The following CHAF1A variants were observed in gnomAD, a reference collection of about 807,000 sequenced individuals.
CHAF1A encodes the protein CAF-1 subunit A.
Under a neutral mutation model 93.2 loss-of-function variants are expected in CHAF1A, and 5 were observed. The observed-to-expected ratio is 0.05, with a 90% CI of 0.03 to 0.11. CHAF1A has a LOEUF of 0.11. Ranked by LOEUF, CHAF1A falls within the 10% of genes least tolerant of loss-of-function variation. CHAF1A has a pLI of 1.00. For synonymous variants in CHAF1A, 504 were observed against 510.3 expected, an observed-to-expected ratio of 0.99 and a Z score of 0.17; for missense variants, 1,102 against 1,259.9, an observed-to-expected ratio of 0.87 and a Z score of 1.90.
At chr19:4,424,995 A>G (rs1402669568) in intron 7 of CHAF1A, among the ~76,000 whole-genome samples, 1 of 152,036 alleles carries the variant, frequency 6.6e-6, no homozygotes, top group Non-Finnish European at 1.5e-5. Context: ...GCTGGTCTCG[A>G]CGACCTGGCT....
At position 4,423,835 on chromosome 19, in the gene CHAF1A, G is replaced by C. The variant is rs747868301; in HGVS notation, c.1338G>C (p.Thr446=). ...TTAAAGCAGAGAAGGCCGAAATCAC[G>C]AGGTTCTTCCAGAAACCAAAGACTC... ...KRIKAEKAEI[T]RFFQKPKTPQ... The change falls in exon 7 of 15, where the codon ACG becomes ACC. Residue 446 remains threonine, a synonymous_variant. Transcript: ENST00000301280. 56 of 1,613,970 alleles carry C rather than the reference G, an allele frequency of 3.5e-5. No homozygotes were observed. Among genetic ancestry groups the C allele is most frequent in the Non-Finnish European group, 4.4e-5 (52 of 1,180,000 alleles).
chr19:4,442,990 G>A lies in CHAF1A; in HGVS notation c.2836G>A (p.Ala946Thr). The A allele has an allele frequency of 6.2e-7, 1 of 1,602,538 alleles. No homozygotes were observed. Among genetic ancestry groups the A allele is most frequent in the Non-Finnish European group, 8.5e-7 (1 of 1,175,290 alleles). ...TGGTGTGGGGGTGGACACCGGCAAG[G>A]CCACCCTGACCGCGAGCCCACTGGG... Reference protein sequence around the residue: ...GGGVGVDTGKATLTASPLGAS With the variant: ...GGGVGVDTGKTTLTASPLGAS The change falls in exon 15 of 15, where the codon GCC becomes ACC. Residue 946 changes from alanine to threonine, a missense_variant. Ala to Thr is a moderately conservative substitution (Grantham distance 58, BLOSUM62 0). Coordinates refer to ENST00000301280, the MANE Select transcript of CHAF1A (RefSeq NM_005483.3).
intron 7 of CHAF1A, among the ~76,000 whole-genome samples, chr19:4,426,011 GTTC>G (rs1406399140): frequency 6.6e-6 from 1 of 151,812 alleles, no homozygotes; most frequent in African/African-American, 2.4e-5. Context: ...TGCCATTTTA[GTTC>G]TTCTATGACT....
downstream of CHAF1A, chr19:4,447,170 G>A: frequency 1.7e-6 from 1 of 592,578 alleles, no homozygotes; most frequent in Non-Finnish European, 3.0e-6. Flanking sequence ...TGAGGAGCCA[G>A]ACACTGCTGG....
At chr19:4,441,111 A>C (rs1470685689) in intron 13 of CHAF1A, among the ~76,000 whole-genome samples, 1 of 152,030 alleles carries the variant, frequency 6.6e-6, no homozygotes, top group Non-Finnish European at 1.5e-5. Context: ...TCAGGTCAAG[A>C]GTTCGAGACC....
chr19:4,440,459 AT>A (rs957773579), intron 13 of CHAF1A, among the ~76,000 whole-genome samples: 1 of 151,614 alleles, frequency 6.6e-6, no homozygotes, highest in African/African-American at 2.4e-5. Flanking sequence ...AAAAAAAAAA[AT>A]TAGCTGGGCG....
At position 4,442,247 on chromosome 19, in the gene CHAF1A, T is replaced by G. The variant is rs150686707; in HGVS notation, c.2676T>G (p.Ile892Met). Residue 892 changes from isoleucine to methionine, a missense_variant and splice_region_variant, in exon 14 of 15, where the codon ATT becomes ATG. Around this residue, in one of 6 missense-constraint regions of CHAF1A, gnomAD observed 119 missense variants for 102.2 expected, o/e 1.16. Coordinates refer to ENST00000301280, the MANE Select transcript of CHAF1A (RefSeq NM_005483.3). ...GGCCGTGTACCCTGTCTGTCCAGAT[T>G]GGTGCTGAAGACATGGACGGCTTCC... ...FMKKRRHDGQ[I>M]GAEDMDGFQA... 3 of 1,613,808 alleles carry G rather than the reference T, an allele frequency of 1.9e-6. No individual in the cohort carries two copies. Among genetic ancestry groups the G allele is most frequent in the South Asian group, 2.2e-5 (2 of 91,058 alleles).
chr19:4,404,774 C>G (rs900051731), intron 1 of CHAF1A, among the ~76,000 whole-genome samples: 3 of 152,092 alleles, frequency 2.0e-5, no homozygotes, highest in African/African-American at 7.2e-5. Flanking sequence ...TAAACTTACT[C>G]TGTTTAAGGT....
At chr19:4,447,365 G>T, downstream of CHAF1A, 1 of 624,104 alleles carries the variant, frequency 1.6e-6, no homozygotes, top group South Asian at 1.8e-5. Context: ...GGTGACCGGT[G>T]CATAAAAGTC....
chr19:4,447,668 C>G, downstream of CHAF1A: 1 of 1,598,548 alleles, frequency 6.3e-7, no homozygotes, highest in Admixed American at 1.7e-5. Flanking sequence ...GCCCAGGCTG[C>G]CCACCCGGCC....
In CHAF1A at chr19:4,427,527, C is replaced by T. The variant is rs542016918; in HGVS notation, c.1378-1137C>T. Among the ~76,000 whole-genome samples, 25 of 150,076 alleles carry T rather than the reference C, an allele frequency of 1.7e-4. 1 individual carries two copies. The highest frequency in any genetic ancestry group is 5.7e-4 in the African/African-American group (23 of 40,658). On this transcript the variant is annotated intron_variant, in intron 7 of 14. Coordinates refer to ENST00000301280, the MANE Select transcript of CHAF1A (RefSeq NM_005483.3). Reference sequence around the variant, plus strand: ...TCCCAGATCCAAACGATTCTCCCGCCTCAGCCTCCTGAGTAGCTGGGACTA... The same window carrying T: ...TCCCAGATCCAAACGATTCTCCCGCTTCAGCCTCCTGAGTAGCTGGGACTA...
intron 3 of CHAF1A, among the ~76,000 whole-genome samples, chr19:4,412,796 A>G (rs369674088): frequency 2.0e-3 from 300 of 152,268 alleles, no homozygotes; most frequent in African/African-American, 3.6e-3. Context: ...TATTATCCCA[A>G]CTTTTCAGAT....
chr19:4,422,260 T>C lies in CHAF1A; in HGVS notation c.1018-306T>C, dbSNP rs1974003396. ...AACTCCTGACCTCAGGTGATCCACT[T>C]GCCTCGGCCTCCCAAAGTGCTGGGA... is the stretch of plus-strand genomic sequence containing the variant. On this transcript the variant is annotated intron_variant, in intron 4 of 14. Transcript: ENST00000301280. The surrounding 1 kb of genome is among the most constrained non-coding windows in gnomAD (Gnocchi z 4.6). Among the ~76,000 whole-genome samples, 1 of 151,924 alleles carries C rather than the reference T, an allele frequency of 6.6e-6. No individual in the cohort carries two copies. The highest frequency in any genetic ancestry group is 1.5e-5 in the Non-Finnish European group (1 of 67,964).
intron 7 of CHAF1A, among the ~76,000 whole-genome samples, chr19:4,424,422 C>T (rs565492661): frequency 7.2e-5 from 11 of 152,132 alleles, no homozygotes; most frequent in Non-Finnish European, 1.2e-4. Flanking sequence ...AGATTTGTGC[C>T]ATGTTGCCAC....
At chr19:4,435,000 T>C (rs1974255537) in intron 13 of CHAF1A, among the ~76,000 whole-genome samples, 1 of 151,932 alleles carries the variant, frequency 6.6e-6, no homozygotes, top group African/African-American at 2.4e-5. Flanking sequence ...CCCCTGGCCA[T>C]AGATCGGCTT....
intron 3 of CHAF1A, among the ~76,000 whole-genome samples, chr19:4,414,086 G>C (rs1301076173): frequency 2.0e-5 from 3 of 152,110 alleles, no homozygotes; most frequent in African/African-American, 7.2e-5. Flanking sequence ...AATTACATTT[G>C]TAATAAATTC....
chr19:4,412,610 T>C (rs1271846735), intron 3 of CHAF1A, among the ~76,000 whole-genome samples: 1 of 151,902 alleles, frequency 6.6e-6, no homozygotes, highest in Admixed American at 6.6e-5. Context: ...TGTCCACAGC[T>C]TAGTCTGCAA....
intron 1 of CHAF1A, 127 bp from the exon 2 acceptor site, chr19:4,405,785 A>C: frequency 1.3e-6 from 1 of 759,128 alleles, no homozygotes; most frequent in South Asian, 1.5e-5. Context: ...GACTGTGTCA[A>C]ATGGCCCCCG....
downstream of CHAF1A, chr19:4,447,941 C>T (rs1034389279): frequency 3.2e-5 from 16 of 494,758 alleles, no homozygotes; most frequent in South Asian, 1.1e-4. Context: ...GCTGAAGGGC[C>T]GCAGTGCCAG....
Sources: gnomAD v4.1 joint callset for allele counts (sites outside exome capture counted in the v4.1 genomes callset) on GRCh38, gnomAD v4.1.1 for gene constraint, gnomAD v4.1.1 regional missense constraint, Gnocchi (gnomAD v3.1) non-coding constraint, MANE v1.5 for transcripts, NCBI Gene and HGNC (gene_info 2026-07-23, HGNC 2026-07-21) for gene names.